YWHAH: variants seen among roughly 807,000 people sequenced by gnomAD.
YWHAH encodes 14-3-3 protein eta.
A neutral mutation model predicts 22.9 loss-of-function variants in YWHAH; 6 were observed. That is an observed-to-expected ratio of 0.26 (90% CI 0.14 to 0.52). YWHAH has a LOEUF of 0.52. YWHAH is among the 20% of genes least tolerant of loss of function. The pLI, the probability that YWHAH is intolerant of heterozygous loss-of-function variation, is 0.97. For synonymous variants in YWHAH, 135 were observed against 124.5 expected, an observed-to-expected ratio of 1.08 and a Z score of -0.56; for missense variants, 173 against 308.6, an observed-to-expected ratio of 0.56 and a Z score of 3.29.
At chr22:31,950,935 C>T (rs893632660) in intron 1 of YWHAH, among the ~76,000 whole-genome samples, 22 of 152,110 alleles carry the variant, frequency 1.4e-4, no homozygotes, top group Admixed American at 1.1e-3. Context: ...CTTGCTCTGT[C>T]GCCCAAGCTG....
Position 31,956,540 on chromosome 22 carries a change from G to A in YWHAH, c.489G>A (p.Glu163=), listed in dbSNP as rs765949241. The A allele has an allele frequency of 5.6e-6, 9 of 1,614,066 alleles. No homozygotes were observed. The East Asian group carries it at 2.0e-4, about 36-fold the overall frequency. Residue 163 remains glutamate, a synonymous_variant, in exon 2 of 2, where the codon GAG becomes GAA. Transcript: ENST00000248975. The surrounding 1 kb of genome is among the most constrained non-coding windows in gnomAD (Gnocchi z 5.1). ...AYKEAFEISK[E]QMQPTHPIRL... is the part of the protein sequence containing the mutation. ...AGGAAGCCTTTGAAATCAGCAAAGA[G>A]CAGATGCAACCCACGCATCCCATCC...
At chr22:31,950,460 A>G (rs374179414) in intron 1 of YWHAH, 5 of 773,704 alleles carry the variant, frequency 6.5e-6, no homozygotes, top group South Asian at 1.3e-5. Context: ...AACCTGGCAC[A>G]GCTTCTGAAG....
chr22:31,952,109 T>C (rs1350333018), intron 1 of YWHAH, among the ~76,000 whole-genome samples: 3 of 152,184 alleles, frequency 2.0e-5, no homozygotes, highest in Non-Finnish European at 4.4e-5. Flanking sequence ...CTGAAAACTA[T>C]TGTCTAGGCC....
chr22:31,950,788 G>T (rs1402075851), intron 1 of YWHAH, among the ~76,000 whole-genome samples: 1 of 152,188 alleles, frequency 6.6e-6, no homozygotes, highest in Non-Finnish European at 1.5e-5. Context: ...GTGGCCTGTA[G>T]GACTTGGTCT....
At chr22:31,953,444 A>G (rs2093845776) in intron 1 of YWHAH, among the ~76,000 whole-genome samples, 1 of 152,214 alleles carries the variant, frequency 6.6e-6, no homozygotes, top group Non-Finnish European at 1.5e-5. Flanking sequence ...GGGTTTTGAC[A>G]TGCAGGTGTG....
intron 1 of YWHAH, among the ~76,000 whole-genome samples, chr22:31,949,285 A>G (rs966991781): frequency 1.3e-5 from 2 of 150,614 alleles, no homozygotes; most frequent in South Asian, 4.2e-4. Context: ...GATTACAGGC[A>G]TGCACCACCA....
Position 31,956,099 on chromosome 22 carries a change from A to T in YWHAH, c.88-40A>T. 3 of 1,548,710 alleles carry T rather than the reference A, an allele frequency of 1.9e-6. No individual in the cohort carries two copies. Among genetic ancestry groups the T allele is most frequent in the Non-Finnish European group, 2.6e-6 (3 of 1,151,846 alleles). The stretch of plus-strand genomic sequence containing the variant: ...GGGAAGGCTTCTTACCAAGATTTTC[A>T]GATTTTGCTTTCAATGTTTATCTTT... On this transcript the variant is annotated intron_variant, in intron 1 of 1. Coordinates refer to ENST00000248975, the MANE Select transcript of YWHAH (RefSeq NM_003405.4). This position sits in a 1 kb window ranked among gnomAD's most constrained non-coding sequence, Gnocchi z 5.1.
In YWHAH at chr22:31,947,521, A is replaced by G. The variant is rs188311886; in HGVS notation, c.87+2701A>G. 4.5e-4 allele frequency: 211 copies of G among 470,964 alleles called. 1 individual carries two copies. Among genetic ancestry groups the G allele is most frequent in the African/African-American group, 3.6e-3 (179 of 50,206 alleles). The allele number at this position is 470,964 out of a possible 1,614,324, so 29.2% of individuals were successfully genotyped here. On this transcript the variant is annotated intron_variant, in intron 1 of 1. Coordinates refer to ENST00000248975, the MANE Select transcript of YWHAH (RefSeq NM_003405.4). Reference sequence around the variant, plus strand: ...AGAAAAATCGTGCATACTGGAAACAATGGTCTTGCCTCAAACCTGTTGAGA... The same window carrying G: ...AGAAAAATCGTGCATACTGGAAACAGTGGTCTTGCCTCAAACCTGTTGAGA...
chr22:31,950,439 C>T (rs750104822), intron 1 of YWHAH: 11 of 777,158 alleles, frequency 1.4e-5, no homozygotes, highest in South Asian at 1.2e-4. Flanking sequence ...GTTAGCACTT[C>T]CAATGATCCG....
intron 1 of YWHAH, among the ~76,000 whole-genome samples, chr22:31,950,075 C>CTTTTTTTTTTTTTT (rs1569275298): frequency 1.8e-5 from 1 of 55,328 alleles, no homozygotes; most frequent in Non-Finnish European, 3.7e-5. Flanking sequence ...GGCTTGGAGG[C>CTTTTTTTTTTTTTT]CTTTTTTTTT....
rs1031116857 is a variant in YWHAH, at chr22:31,957,117, C to A, written c.*325C>A. On this transcript the variant is annotated 3_prime_UTR_variant, in exon 2 of 2. Coordinates refer to ENST00000248975, the MANE Select transcript of YWHAH (RefSeq NM_003405.4). ...GATTAGAAAGAATTAGCCAACCAGG[C>A]TACAGTTGATATTTAAAAGATCCAT... is the stretch of plus-strand genomic sequence containing the variant. The A allele has an allele frequency of 4.3e-6, 1 of 235,058 alleles. No individual in the cohort carries two copies. Among genetic ancestry groups the A allele is most frequent in the African/African-American group, 2.3e-5 (1 of 44,028 alleles). The allele number at this position is 235,058 out of a possible 1,614,324, so 14.6% of individuals were successfully genotyped here.
intron 1 of YWHAH, among the ~76,000 whole-genome samples, chr22:31,949,288 C>T (rs998748654): frequency 6.6e-6 from 1 of 151,620 alleles, no homozygotes; most frequent in African/African-American, 2.4e-5. Flanking sequence ...TACAGGCATG[C>T]ACCACCATGC....
At chr22:31,950,913 T>C (rs1232968351) in intron 1 of YWHAH, among the ~76,000 whole-genome samples, 1 of 152,150 alleles carries the variant, frequency 6.6e-6, no homozygotes, top group Non-Finnish European at 1.5e-5. Context: ...TTTTGTTTTT[T>C]TGAGACAGAG....
chr22:31,949,010 C>G (rs1368772818), intron 1 of YWHAH, among the ~76,000 whole-genome samples: 1 of 151,958 alleles, frequency 6.6e-6, no homozygotes, highest in African/African-American at 2.4e-5. Flanking sequence ...TGGTCTTTGT[C>G]TGGGATTTTA....
At chr22:31,948,350 T>C (rs1444281312) in intron 1 of YWHAH, among the ~76,000 whole-genome samples, 2 of 151,836 alleles carry the variant, frequency 1.3e-5, no homozygotes, top group Non-Finnish European at 2.9e-5. Context: ...GACAGATCAG[T>C]GTCACAGAGA....
At chr22:31,955,776 C>T (rs1314255313) in intron 1 of YWHAH, among the ~76,000 whole-genome samples, 2 of 152,092 alleles carry the variant, frequency 1.3e-5, no homozygotes, top group Non-Finnish European at 2.9e-5. Context: ...GGCTGAAGCT[C>T]GAGGTTTTCT....
chr22:31,947,459 A>C (rs1272493928), intron 1 of YWHAH: 3 of 471,520 alleles, frequency 6.4e-6, no homozygotes, highest in Non-Finnish European at 8.8e-6. Context: ...TCCTCATTCT[A>C]CCAGCGTCAC....
At chr22:31,945,578 GC>G (rs1485110491) in intron 1 of YWHAH, 2 of 1,303,808 alleles carry the variant, frequency 1.5e-6, no homozygotes, top group Non-Finnish European at 2.0e-6. Flanking sequence ...GATGAGTCGT[GC>G]CCAGCCACAC....
chr22:31,945,544 A>G (rs1395105166), intron 1 of YWHAH: 2 of 1,303,658 alleles, frequency 1.5e-6, no homozygotes, highest in Non-Finnish European at 2.0e-6. Context: ...ACCCTCATAA[A>G]TCGATTCTGC....
Sources: allele counts gnomAD v4.1 joint callset (sites outside exome capture counted in the v4.1 genomes callset), GRCh38; gene constraint gnomAD v4.1.1; non-coding constraint Gnocchi (gnomAD v3.1); transcripts MANE v1.5; gene names NCBI Gene and HGNC (gene_info 2026-07-23, HGNC 2026-07-21).